UBXN7: variants seen among roughly 807,000 people sequenced by gnomAD.
UBXN7 encodes the protein UBX domain protein 7, also known as UBX domain-containing protein 7.
In UBXN7, 9 loss-of-function variants were observed where a neutral mutation model predicts 58.0. The ratio of observed to expected loss-of-function variants is 0.16; its 90% CI spans 0.09 to 0.27. UBXN7 has a LOEUF of 0.27. UBXN7 is among the 10% of genes least tolerant of loss of function. The probability of loss-of-function intolerance (pLI) is 1.00; values close to 1 mark genes in which losing one functional copy is unlikely to be tolerated. For missense variants in UBXN7, 328 were observed against 599.6 expected, an observed-to-expected ratio of 0.55 and a Z score of 4.73; for synonymous variants, 208 against 205.0, an observed-to-expected ratio of 1.01 and a Z score of -0.12.
At chr3:196,392,377 T>C (rs1193615301) in intron 4 of UBXN7, among the ~76,000 whole-genome samples, 2 of 150,466 alleles carry the variant, frequency 1.3e-5, no homozygotes, top group African/African-American at 4.9e-5. Flanking sequence ...TGGTGGAGCA[T>C]GCCTGTAATC....
intron 1 of UBXN7, among the ~76,000 whole-genome samples, chr3:196,418,829 C>G (rs4916494): frequency 0.98 from 149,601 of 152,342 alleles, 73,474 homozygotes; most frequent in East Asian, 1. Flanking sequence ...TTTTGGGGCA[C>G]ATGATGTCAA....
At chr3:196,372,124 T>A in intron 5 of UBXN7, 82 bp from the exon 6 acceptor site, 1 of 1,455,004 alleles carries the variant, frequency 6.9e-7, no homozygotes, top group Non-Finnish European at 9.1e-7. Context: ...GAGGTTGTTG[T>A]CTTTCATTAA....
chr3:196,403,071 G>C, intron 2 of UBXN7, 52 bp from the exon 3 acceptor site: 1 of 1,512,528 alleles, frequency 6.6e-7, no homozygotes, highest in Non-Finnish European at 9.0e-7. Context: ...TCTGCTACCT[G>C]TTTGCTTTCT....
At chr3:196,385,952 G>A (rs1729376854) in intron 5 of UBXN7, among the ~76,000 whole-genome samples, 1 of 152,236 alleles carries the variant, frequency 6.6e-6, no homozygotes, top group African/African-American at 2.4e-5. Context: ...GAAATGTAGG[G>A]AAAGGAAGGA....
intron 1 of UBXN7, among the ~76,000 whole-genome samples, chr3:196,426,560 T>C (rs187596825): frequency 6.6e-6 from 1 of 151,542 alleles, no homozygotes; most frequent in East Asian, 2.0e-4. Context: ...CAAAAGCATA[T>C]GAATGAGGCC....
At chr3:196,398,852 G>A (rs980662192) in intron 3 of UBXN7, among the ~76,000 whole-genome samples, 1 of 152,172 alleles carries the variant, frequency 6.6e-6, no homozygotes. Context: ...GCCCAGGCTG[G>A]TGTGGAACTC....
In UBXN7 at chr3:196,354,339, A is replaced by G. The variant is rs2082449140; in HGVS notation, c.*2346T>C. The stretch of plus-strand genomic sequence containing the variant: ...TATGCACGTGCTGAACATATCGGAA[A>G]GAACCACACCCTCTCACTGATGAAC... On this transcript the variant is annotated 3_prime_UTR_variant, in exon 11 of 11. Coordinates refer to ENST00000296328, the MANE Select transcript of UBXN7 (RefSeq NM_015562.2). 1 of 152,264 alleles carries G rather than the reference A, an allele frequency of 6.6e-6. No individual in the cohort carries two copies. Among genetic ancestry groups the G allele is most frequent in the Non-Finnish European group, 1.5e-5 (1 of 68,048 alleles). The allele number at this position is 152,264 out of a possible 1,614,324, so 9.4% of individuals were successfully genotyped here. A position where few individuals can be genotyped will look rare whatever the true frequency, so the allele number is the denominator to read the frequency against.
intron 1 of UBXN7, among the ~76,000 whole-genome samples, chr3:196,421,451 C>T (rs1239650034): frequency 7.2e-5 from 11 of 152,172 alleles, no homozygotes; most frequent in Admixed American, 4.6e-4. Flanking sequence ...TGTTGAATCT[C>T]ATAATTAAAA....
chr3:196,410,100 G>A (rs553432486), intron 1 of UBXN7, among the ~76,000 whole-genome samples: 11 of 151,754 alleles, frequency 7.2e-5, no homozygotes, highest in South Asian at 4.2e-4. Flanking sequence ...CCACCACACC[G>A]GGCTAATTTT....
intron 1 of UBXN7, chr3:196,432,016 C>G: frequency 1.9e-6 from 1 of 531,348 alleles, no homozygotes; most frequent in Non-Finnish European, 3.4e-6. Context: ...CTACTCCTCC[C>G]GCCCCCGGGT....
At chr3:196,415,215 C>T (rs1187788611) in intron 1 of UBXN7, among the ~76,000 whole-genome samples, 1 of 145,408 alleles carries the variant, frequency 6.9e-6, no homozygotes, top group Non-Finnish European at 1.5e-5. Context: ...AGCAGTGGTG[C>T]GAATCTTGGC....
At chr3:196,374,959 A>AAG (rs1263315129) in intron 5 of UBXN7, among the ~76,000 whole-genome samples, 4 of 39,938 alleles carry the variant, frequency 1.0e-4, no homozygotes, top group Admixed American at 2.8e-4. Flanking sequence ...AGAAAGAAAG[A>AAG]AAAAAAGGAA....
At chr3:196,427,466 C>A (rs1172757195) in intron 1 of UBXN7, among the ~76,000 whole-genome samples, 3 of 152,072 alleles carry the variant, frequency 2.0e-5, no homozygotes. Context: ...TACAGGCGTG[C>A]ACCACCATGC....
intron 1 of UBXN7, among the ~76,000 whole-genome samples, chr3:196,410,219 A>G (rs1730282956): frequency 6.6e-6 from 1 of 152,062 alleles, no homozygotes; most frequent in Admixed American, 6.6e-5. Flanking sequence ...GGATTACAGG[A>G]GTGAGCCACC....
chr3:196,422,678 G>A (rs1730725339), intron 1 of UBXN7, among the ~76,000 whole-genome samples: 1 of 151,962 alleles, frequency 6.6e-6, no homozygotes, highest in South Asian at 2.1e-4. Flanking sequence ...AAGTGACTTT[G>A]GAAAGTCACT....
At chr3:196,431,499 G>C (rs1419545364) in intron 1 of UBXN7, 1 of 158,292 alleles carries the variant, frequency 6.3e-6, no homozygotes, top group Admixed American at 6.5e-5. Flanking sequence ...CCTAGGCCTA[G>C]GGTTTCGGGG....
chr3:196,419,960 A>T (rs1560243839), intron 1 of UBXN7, among the ~76,000 whole-genome samples: 1 of 152,224 alleles, frequency 6.6e-6, no homozygotes, highest in Non-Finnish European at 1.5e-5. Context: ...GAGGAATATG[A>T]AGAAGTGAAG....
In UBXN7 at chr3:196,402,939, A is replaced by T. The variant is rs765398834; in HGVS notation, c.289+13T>A. On this transcript the variant is annotated intron_variant, in intron 3 of 10. Transcript: ENST00000296328. Reference sequence around the variant, plus strand: ...CAAAATCAAATAAGGCTAAGGGAAAAAAGTGAACTTACCACCAAATAATGG... The same window carrying T: ...CAAAATCAAATAAGGCTAAGGGAAATAAGTGAACTTACCACCAAATAATGG... 8.8e-6 allele frequency: 14 copies of T among 1,591,284 alleles called. No homozygotes were observed. Among genetic ancestry groups the T allele is most frequent in the Non-Finnish European group, 1.2e-5 (14 of 1,175,224 alleles).
chr3:196,381,395 C>T (rs1212614275), intron 5 of UBXN7, among the ~76,000 whole-genome samples: 2 of 152,172 alleles, frequency 1.3e-5, no homozygotes, highest in Non-Finnish European at 2.9e-5. Context: ...AGCTGAGGGA[C>T]CTGACTGTTA....
Sources: gnomAD v4.1 joint callset for allele counts (sites outside exome capture counted in the v4.1 genomes callset) on GRCh38, gnomAD v4.1.1 for gene constraint, MANE v1.5 for transcripts, NCBI Gene and HGNC (gene_info 2026-07-23, HGNC 2026-07-21) for gene names.